LY96: variants seen among roughly 807,000 people sequenced by gnomAD.
LY96 encodes the protein lymphocyte antigen 96, also known as myeloid differentiation protein-2.
A neutral mutation model predicts 18.9 loss-of-function variants in LY96; 18 were observed. The observed-to-expected ratio is 0.95, with a 90% CI of 0.66 to 1.41. The LOEUF (loss-of-function observed/expected upper bound fraction) is 1.41, where lower values mean the gene tolerates loss of function less well. LY96 is among the 40% of genes most tolerant of loss of function. The pLI, the probability that LY96 is intolerant of heterozygous loss-of-function variation, is 0.00. For synonymous variants in LY96, 66 were observed against 62.6 expected, an observed-to-expected ratio of 1.06 and a Z score of -0.26; for missense variants, 175 against 182.4, an observed-to-expected ratio of 0.96 and a Z score of 0.23.
chr8:74,076,975 G>C, the LY96 span, among the ~76,000 whole-genome samples: 15 of 152,258 alleles, frequency 9.9e-5, no homozygotes, highest in East Asian at 2.7e-3. Context: ...TTTAAATTGG[G>C]GGTTCCCATG....
chr8:74,043,052 G>A, the LY96 span, among the ~76,000 whole-genome samples: 2 of 152,150 alleles, frequency 1.3e-5, no homozygotes, highest in Non-Finnish European at 2.9e-5. Context: ...TGGGATTACA[G>A]GCATGAGCCA....
chr8:74,002,246 C>T lies in LY96; in HGVS notation c.113-2550C>T, dbSNP rs572410167. ...CTGCTTCCCAGGCTCAACTGATTCT[C>T]ATGCCTCAGCCTCCTGAGTAGCTGG... On this transcript the variant is annotated intron_variant, in intron 1 of 4. Coordinates refer to ENST00000284818, the MANE Select transcript of LY96 (RefSeq NM_015364.5). Among the ~76,000 whole-genome samples, 12 of 151,386 alleles carry T rather than the reference C, an allele frequency of 7.9e-5. No homozygotes were observed. In the Middle Eastern group the frequency reaches 0.017, roughly 215 times the overall value.
At chr8:74,017,124 G>A (rs900762746) in intron 3 of LY96, among the ~76,000 whole-genome samples, 15 of 152,138 alleles carry the variant, frequency 9.9e-5, no homozygotes, top group African/African-American at 3.4e-4. Context: ...GAGGATGTTC[G>A]AACCCATCGC....
chr8:74,011,009 G>A (rs945968105), intron 3 of LY96, among the ~76,000 whole-genome samples: 1 of 151,962 alleles, frequency 6.6e-6, no homozygotes, highest in Non-Finnish European at 1.5e-5. Context: ...GACCTCAGAG[G>A]TGTCAGACTC....
chr8:74,025,693 C>T (rs1031844555), intron 3 of LY96, among the ~76,000 whole-genome samples: 13 of 148,148 alleles, frequency 8.8e-5, no homozygotes, highest in Non-Finnish European at 1.8e-4. Flanking sequence ...CCTTTATCTG[C>T]TTTAAAGAAA....
At chr8:74,021,332 A>T (rs1326828166) in intron 3 of LY96, among the ~76,000 whole-genome samples, 1 of 152,246 alleles carries the variant, frequency 6.6e-6, no homozygotes, top group African/African-American at 2.4e-5. Context: ...GCTCATCATC[A>T]CTGGTCATCA....
intron 2 of LY96, among the ~76,000 whole-genome samples, chr8:74,009,488 T>A (rs764644267): frequency 6.6e-6 from 1 of 151,814 alleles, no homozygotes; most frequent in African/African-American, 2.4e-5. Context: ...GAAAAATGCA[T>A]TGATTACTGG....
chr8:74,086,684 C>G, the LY96 span, among the ~76,000 whole-genome samples: 1 of 152,146 alleles, frequency 6.6e-6, no homozygotes, highest in African/African-American at 2.4e-5. Context: ...CCCTACGTTC[C>G]CAAATTTATG....
chr8:74,060,589 G>T, the LY96 span, among the ~76,000 whole-genome samples: 2 of 152,298 alleles, frequency 1.3e-5, no homozygotes, highest in East Asian at 3.9e-4. Flanking sequence ...AATATATGTC[G>T]AAAGACTGAT....
chr8:74,002,449 C>T (rs377253725), intron 1 of LY96, among the ~76,000 whole-genome samples: 1 of 151,848 alleles, frequency 6.6e-6, no homozygotes, highest in South Asian at 2.1e-4. Context: ...AATTCTTTTC[C>T]AGTGATCTCT....
chr8:74,065,579 G>T, the LY96 span, among the ~76,000 whole-genome samples: 3 of 152,166 alleles, frequency 2.0e-5, no homozygotes, highest in Non-Finnish European at 4.4e-5. Flanking sequence ...GAGGTTATTT[G>T]AGTTCAAATT....
intron 1 of LY96, among the ~76,000 whole-genome samples, chr8:73,992,602 C>T (rs946187899): frequency 6.6e-5 from 10 of 152,108 alleles, no homozygotes; most frequent in South Asian, 2.1e-4. Context: ...AAGTGACTTT[C>T]GGGAAATTGG....
At chr8:74,081,647 G>C in the LY96 span, among the ~76,000 whole-genome samples, 1 of 151,736 alleles carries the variant, frequency 6.6e-6, no homozygotes, top group Non-Finnish European at 1.5e-5. Flanking sequence ...TCCCACCTCG[G>C]CTGGTGTTTC....
At chr8:74,023,262 G>A (rs1287704371) in intron 3 of LY96, among the ~76,000 whole-genome samples, 1 of 152,114 alleles carries the variant, frequency 6.6e-6, no homozygotes. Flanking sequence ...ATCCGGTGTG[G>A]GTGCCCTGCA....
chr8:74,022,587 T>C (rs1816792395), intron 3 of LY96, among the ~76,000 whole-genome samples: 1 of 150,110 alleles, frequency 6.7e-6, no homozygotes, highest in South Asian at 2.1e-4. Flanking sequence ...TTTTCTTTTT[T>C]TTTTTTTTTG....
At chr8:74,088,139 AG>A in the LY96 span, among the ~76,000 whole-genome samples, 1 of 149,672 alleles carries the variant, frequency 6.7e-6, no homozygotes, top group Non-Finnish European at 1.5e-5. Flanking sequence ...AGAATAGAAT[AG>A]AATAGAATAG....
intron 1 of LY96, among the ~76,000 whole-genome samples, chr8:74,002,197 C>T (rs1036025071): frequency 8.7e-5 from 13 of 149,570 alleles, no homozygotes; most frequent in Non-Finnish European, 1.5e-4. Flanking sequence ...AGTGCAGTGG[C>T]GTGATCTCAG....
At chr8:74,054,583 C>T in the LY96 span, among the ~76,000 whole-genome samples, 2 of 121,576 alleles carry the variant, frequency 1.6e-5, no homozygotes, top group East Asian at 5.5e-4. Flanking sequence ...CTCCCCCCTC[C>T]CTCCTTTCTT....
chr8:74,009,871 A>C (rs1816493990), intron 2 of LY96, 130 bp from the exon 3 acceptor site: 2 of 692,758 alleles, frequency 2.9e-6, no homozygotes, highest in Non-Finnish European at 5.0e-6. Flanking sequence ...CATCTTGTAG[A>C]TAGTTGTGAT....
Sources: allele counts gnomAD v4.1 joint callset (sites outside exome capture counted in the v4.1 genomes callset), GRCh38; gene constraint gnomAD v4.1.1; transcripts MANE v1.5; gene names NCBI Gene and HGNC (gene_info 2026-07-23, HGNC 2026-07-21).